The following SKIDA1 variants were observed in gnomAD, a reference collection of about 807,000 sequenced individuals.
SKIDA1 encodes SKI/DACH domain-containing protein 1.
Under a neutral mutation model 51.4 loss-of-function variants are expected in SKIDA1, and 18 were observed. The ratio of observed to expected loss-of-function variants is 0.35; its 90% CI spans 0.24 to 0.52. The LOEUF (loss-of-function observed/expected upper bound fraction) is 0.52. Among genes scored for constraint, SKIDA1 ranks in the 20% least tolerant of loss-of-function variants. The probability of loss-of-function intolerance (pLI) is 0.95; values close to 1 mark genes in which losing one functional copy is unlikely to be tolerated. For missense variants in SKIDA1, 1,104 were observed against 1,180.6 expected (o/e 0.94, Z 0.95); for synonymous variants, 579 against 500.5 (o/e 1.16, Z -2.09).
intron 2 of SKIDA1, among the ~76,000 whole-genome samples, chr10:21,523,441 C>T (rs2032492464): frequency 6.6e-6 from 1 of 152,122 alleles, no homozygotes; most frequent in Non-Finnish European, 1.5e-5. Flanking sequence ...ACTGCAACCG[C>T]CTTTCCCCCC....
Position 21,518,056 on chromosome 10 carries a change from G to T in SKIDA1, c.-234C>A. On this transcript the variant is annotated 5_prime_UTR_variant, in exon 4 of 4. Coordinates refer to ENST00000449193, the MANE Select transcript of SKIDA1 (RefSeq NM_207371.4). The stretch of plus-strand genomic sequence containing the variant: ...ACTTGATTCTTGCTTTTTTGTTGTT[G>T]TTGTTTTCGTTTTTTTAAAAAAGAG... The T allele has an allele frequency of 2.1e-6, 1 of 487,594 alleles. No homozygotes were observed. Among genetic ancestry groups the T allele is most frequent in the South Asian group, 4.2e-5 (1 of 24,066 alleles). The allele number at this position is 487,594 out of a possible 1,614,324, so 30.2% of individuals were successfully genotyped here. A position where few individuals can be genotyped will look rare whatever the true frequency, so the allele number is the denominator to read the frequency against.
intron 1 of SKIDA1, 140 bp downstream of exon 1, chr10:21,525,407 G>GCCTT (rs2032682023): frequency 6.6e-6 from 1 of 152,188 alleles, no homozygotes; most frequent in African/African-American, 2.4e-5. Context: ...GTGACCAAGT[G>GCCTT]CCTTCGGCAT....
At position 21,515,060 on chromosome 10, in the gene SKIDA1, G is replaced by T. The variant is rs935196862; in HGVS notation, c.*36C>A. On this transcript the variant is annotated 3_prime_UTR_variant, in exon 4 of 4. Transcript: ENST00000449193. ...CTGTGCAGTTTACAACAAAAGGAAG[G>T]TAATATGGTTCAAGAAAATATCTTC... 3 of 1,528,428 alleles carry T rather than the reference G, an allele frequency of 2.0e-6. No homozygotes were observed. Among genetic ancestry groups the T allele is most frequent in the Non-Finnish European group, 2.6e-6 (3 of 1,137,288 alleles). The allele number at this position is 1,528,428 out of a possible 1,614,324, so 94.7% of individuals were successfully genotyped here.
Position 21,517,241 on chromosome 10 carries a change from G to A in SKIDA1, c.582C>T (p.Asn194=). ...TTCCCTGGAGCGGGGCAGTTTCATA[G>A]TTTAGAGGGGGTTTGCACGGCGAGC... The part of the protein sequence containing the change: ...IVRSPCKPPL[N]YETAPLQGNY... Residue 194 remains asparagine (N), a synonymous_variant, in exon 4 of 4, where the codon AAC becomes AAT. Transcript: ENST00000449193. This position sits in a 1 kb window ranked among gnomAD's most constrained non-coding sequence, Gnocchi z 6.9. 1 of 1,473,272 alleles carries A rather than the reference G, an allele frequency of 6.8e-7. No individual in the cohort carries two copies. Among genetic ancestry groups the A allele is most frequent in the Non-Finnish European group, 9.0e-7 (1 of 1,109,158 alleles). The allele number at this position is 1,473,272 out of a possible 1,614,324, so 91.3% of individuals were successfully genotyped here.
At chr10:21,521,626 T>C (rs1351118669) in intron 2 of SKIDA1, 146 bp from the exon 3 acceptor site, 5 of 152,246 alleles carry the variant, frequency 3.3e-5, no homozygotes, top group Non-Finnish European at 7.3e-5. Flanking sequence ...TATATCCTTC[T>C]CTGTGGGTCC....
In SKIDA1 at chr10:21,517,515, G is replaced by T. The variant is rs868616992; in HGVS notation, c.308C>A (p.Thr103Asn). 6.4e-7 allele frequency: 1 copy of T among 1,570,728 alleles called. No homozygotes were observed. Among genetic ancestry groups the T allele is most frequent in the East Asian group, 2.3e-5 (1 of 42,656 alleles). ...GGCCCGGCCGACCCGCCTGCGCTTGGTCTTGAGGACGCGCTCGGTTTTGCA... is the reference window on the plus strand; with the variant it reads ...GGCCCGGCCGACCCGCCTGCGCTTGTTCTTGAGGACGCGCTCGGTTTTGCA... ...TSCKTERVLK[T>N]KRRRVGRALA... The change falls in exon 4 of 4, where the codon ACC becomes AAC. Residue 103 changes from threonine to asparagine, a missense_variant. Coordinates refer to ENST00000449193, the MANE Select transcript of SKIDA1 (RefSeq NM_207371.4). This position sits in a 1 kb window ranked among gnomAD's most constrained non-coding sequence, Gnocchi z 6.9.
rs755480366 is a variant in SKIDA1, at chr10:21,516,818, A to G, written c.1005T>C (p.Pro335=). The G allele has an allele frequency of 5.8e-5, 90 of 1,540,622 alleles. No individual in the cohort carries two copies. In the African/African-American group the frequency reaches 1.2e-3, roughly 20 times the overall value. Residue 335 remains proline, a synonymous_variant, in exon 4 of 4, where the codon CCT becomes CCC. Coordinates refer to ENST00000449193, the MANE Select transcript of SKIDA1 (RefSeq NM_207371.4). This position sits in a 1 kb window ranked among gnomAD's most constrained non-coding sequence, Gnocchi z 5.7. ...GGTGGTGGTGGTGGTGGTGGTGCGG[A>G]GGCGGGCAGAAGCCGTTGACCAGAT... ...RFHLVNGFCP[P]PHHHHHHHHH... is the part of the protein sequence containing the mutation.
intron 3 of SKIDA1, among the ~76,000 whole-genome samples, chr10:21,520,689 A>G (rs2032370039): frequency 6.6e-6 from 1 of 150,866 alleles, no homozygotes; most frequent in Non-Finnish European, 1.5e-5. Flanking sequence ...ACATAGCAAC[A>G]TGATTTAGTA....
chr10:21,516,769 G>A lies in SKIDA1; in HGVS notation c.1054C>T (p.Arg352Trp). 7.9e-6 allele frequency: 12 copies of A among 1,519,716 alleles called. No homozygotes were observed. The highest frequency in any genetic ancestry group is 1.1e-5 in the Non-Finnish European group (12 of 1,134,262). 94.1% of individuals were successfully genotyped at this position (1,519,716 alleles called of 1,614,324 possible). A position where few individuals can be genotyped will look rare whatever the true frequency, so the allele number is the denominator to read the frequency against. Residue 352 changes from arginine (R) to tryptophan (W), a missense_variant, in exon 4 of 4, where the codon CGG becomes TGG. Physicochemically the swap from Arg to Trp is moderately radical, Grantham distance 101. Coordinates refer to ENST00000449193, the MANE Select transcript of SKIDA1 (RefSeq NM_207371.4). This position sits in a 1 kb window ranked among gnomAD's most constrained non-coding sequence, Gnocchi z 5.7. ...HHHHHHHHHH[R>W]AQPPQQSHHP... ...TGACTCTGCTGCGGCGGCTGGGCCC[G>A]GTGGTGGTGGTGGTGGTGGTGATGG...
In SKIDA1 at chr10:21,516,893, C is replaced by CGGGTGTTTGCTGCACAGCAG; in HGVS notation, c.929_930insCTGCTGTGCAGCAAACACCC (p.Ala311CysfsTer242). 4 of 1,117,776 alleles carry CGGGTGTTTGCTGCACAGCAG rather than the reference C, an allele frequency of 3.6e-6. No homozygotes were observed. The highest frequency in any genetic ancestry group is 3.3e-6 in the Non-Finnish European group (3 of 914,758). 69.2% of individuals were successfully genotyped at this position (1,117,776 alleles called of 1,614,324 possible). A position where few individuals can be genotyped will look rare whatever the true frequency, so the allele number is the denominator to read the frequency against. On this transcript the variant is annotated frameshift_variant, in exon 4 of 4. Transcript: ENST00000449193. LOFTEE classifies it high-confidence loss of function. This position sits in a 1 kb window ranked among gnomAD's most constrained non-coding sequence, Gnocchi z 5.7. ...CCGCGGCGGCCGCCGCCGCCGCTGC[C>CGGGTGTTTGCTGCACAGCAG]GCCGCCGCCGCCGCCGCCGCCGCCT...
chr10:21,516,723 C>CGGT lies in SKIDA1; in HGVS notation c.1097_1099dup (p.His366dup). The CGGT allele has an allele frequency of 6.5e-7, 1 of 1,550,318 alleles. No individual in the cohort carries two copies. Among genetic ancestry groups the CGGT allele is most frequent in the Non-Finnish European group, 8.7e-7 (1 of 1,146,618 alleles). On this transcript the variant is annotated inframe_insertion, in exon 4 of 4. Transcript: ENST00000449193. The surrounding 1 kb of genome is among the most constrained non-coding windows in gnomAD (Gnocchi z 5.7). The stretch of plus-strand genomic sequence containing the variant: ...AAAGCTGCCCAGATGGGGCTGCGGC[C>CGGT]GGTGGTGGTGAGGGGGGTGGTGACT...
rs879195975 is a variant in SKIDA1, at chr10:21,514,919, GAA to G, written c.*175_*176del. ...CCCACCCCGCCCCCACCCTACTCCA[GAA>G]AAAAAAAAAAAAACCCGCAACGGAA... On this transcript the variant is annotated 3_prime_UTR_variant, in exon 4 of 4. Coordinates refer to ENST00000449193, the MANE Select transcript of SKIDA1 (RefSeq NM_207371.4). 1.7e-3 allele frequency: 154 copies of G among 89,070 alleles called. No homozygotes were observed. Among genetic ancestry groups the G allele is most frequent in the Middle Eastern group, 5.1e-3 (1 of 198 alleles). 5.5% of individuals were successfully genotyped at this position (89,070 alleles called of 1,614,324 possible).
rs371514617 is a variant in SKIDA1 at position 21,517,763 on chromosome 10, G to A, written c.60C>T (p.Ile20=). 1.2e-6 allele frequency: 2 copies of A among 1,613,672 alleles called. No homozygotes were observed. Among genetic ancestry groups the A allele is most frequent in the Non-Finnish European group, 8.5e-7 (1 of 1,179,750 alleles). The change falls in exon 4 of 4, where the codon ATC becomes ATT. Residue 20 remains isoleucine (I), a synonymous_variant. Coordinates refer to ENST00000449193, the MANE Select transcript of SKIDA1 (RefSeq NM_207371.4). The surrounding 1 kb of genome is among the most constrained non-coding windows in gnomAD (Gnocchi z 6.9). Reference sequence around the variant, plus strand: ...GGGCAAACATTTGCTTCCCTTTAATGATGAGGTAGCCGAGCCTCACGCCAT... The same window carrying A: ...GGGCAAACATTTGCTTCCCTTTAATAATGAGGTAGCCGAGCCTCACGCCAT... ...EVDGVRLGYL[I]IKGKQMFALS...
At position 21,516,282 on chromosome 10, in the gene SKIDA1, G is replaced by A; in HGVS notation, c.1541C>T (p.Ala514Val). Residue 514 changes from alanine to valine, a missense_variant, in exon 4 of 4, where the codon GCG becomes GTG. Physicochemically the swap from Ala to Val is moderately conservative, Grantham distance 64. Transcript: ENST00000449193. The surrounding 1 kb of genome is among the most constrained non-coding windows in gnomAD (Gnocchi z 5.7). ...CAGATTCCACTCCGCCGGCGACTCC[G>A]CTTTGACACTACTCTTGAGGTCGGG... ...RLPDLKSSVK[A>V]ESPAEWNLQS... 6.2e-7 allele frequency: 1 copy of A among 1,613,920 alleles called. No individual in the cohort carries two copies. The highest frequency in any genetic ancestry group is 8.5e-7 in the Non-Finnish European group (1 of 1,179,910).
In SKIDA1 at chr10:21,517,501, C is replaced by T. The variant is rs769895750; in HGVS notation, c.322G>A (p.Val108Ile). The T allele has an allele frequency of 1.9e-6, 3 of 1,556,508 alleles. No individual in the cohort carries two copies. The highest frequency in any genetic ancestry group is 2.6e-6 in the Non-Finnish European group (3 of 1,150,424). The change falls in exon 4 of 4, where the codon GTC becomes ATC. Residue 108 changes from valine (V) to isoleucine (I), a missense_variant. By Grantham distance (29) the Val-to-Ile change is conservative (BLOSUM62 3). Around this residue, in one of 3 missense-constraint regions of SKIDA1, gnomAD observed 938 missense variants for 886.4 expected, o/e 1.06. Coordinates refer to ENST00000449193, the MANE Select transcript of SKIDA1 (RefSeq NM_207371.4). This position sits in a 1 kb window ranked among gnomAD's most constrained non-coding sequence, Gnocchi z 6.9. Reference protein sequence around the residue: ...ERVLKTKRRRVGRALATKAPP... With the variant: ...ERVLKTKRRRIGRALATKAPP... ...GCCTTTGTGGCCAGGGCCCGGCCGA[C>T]CCGCCTGCGCTTGGTCTTGAGGACG...
rs778159004 is a variant in SKIDA1, at chr10:21,517,292, G to A, written c.531C>T (p.Pro177=). ...GCACGATCTCCGGGTAGTGCGAGCC[G>A]GGGTATTTGCTAAAAATCTGAGGTA... The part of the protein sequence containing the change: ...AHLPQIFSKY[P]GSHYPEIVRS... The change falls in exon 4 of 4, where the codon CCC becomes CCT. Residue 177 remains proline, a synonymous_variant. Transcript: ENST00000449193. This position sits in a 1 kb window ranked among gnomAD's most constrained non-coding sequence, Gnocchi z 6.9. 4.5e-5 allele frequency: 66 copies of A among 1,466,834 alleles called. No individual in the cohort carries two copies. The highest frequency in any genetic ancestry group is 5.4e-5 in the Non-Finnish European group (60 of 1,106,784). 90.9% of individuals were successfully genotyped at this position (1,466,834 alleles called of 1,614,324 possible).
chr10:21,516,840 A>C lies in SKIDA1; in HGVS notation c.983T>G (p.Leu328Arg), dbSNP rs1308913031. 2 of 1,539,382 alleles carry C rather than the reference A, an allele frequency of 1.3e-6. No homozygotes were observed. The highest frequency in any genetic ancestry group is 2.8e-5 in the African/African-American group (2 of 72,470). The part of the protein sequence containing the change: ...AGATCLERFH[L>R]VNGFCPPPHH... Reference sequence around the variant, plus strand: ...CGGAGGCGGGCAGAAGCCGTTGACCAGATGAAACCTCTCCAGGCAAGTGGC... The same window carrying C: ...CGGAGGCGGGCAGAAGCCGTTGACCCGATGAAACCTCTCCAGGCAAGTGGC... Residue 328 changes from leucine to arginine, a missense_variant, in exon 4 of 4, where the codon CTG (leucine) becomes CGG (arginine). By Grantham distance (102) the Leu-to-Arg change is moderately radical. Coordinates refer to ENST00000449193, the MANE Select transcript of SKIDA1 (RefSeq NM_207371.4). This position sits in a 1 kb window ranked among gnomAD's most constrained non-coding sequence, Gnocchi z 5.7.
chr10:21,516,940 A>G lies in SKIDA1; in HGVS notation c.883T>C (p.Leu295=). 1 of 1,163,688 alleles carries G rather than the reference A, an allele frequency of 8.6e-7. No homozygotes were observed. Among genetic ancestry groups the G allele is most frequent in the Non-Finnish European group, 1.1e-6 (1 of 942,634 alleles). 72.1% of individuals were successfully genotyped at this position (1,163,688 alleles called of 1,614,324 possible). ...GCCTTGGCTTTGTAGGACCTGGGCAACAGCAGCAGGCGCCGCGCGCCGGCG... is the reference window on the plus strand; with the variant it reads ...GCCTTGGCTTTGTAGGACCTGGGCAGCAGCAGCAGGCGCCGCGCGCCGGCG... ...PHAGARRLLL[L]PRSYKAKAAA... The change falls in exon 4 of 4, where the codon TTG becomes CTG. Residue 295 remains leucine (L), a synonymous_variant. Transcript: ENST00000449193. The surrounding 1 kb of genome is among the most constrained non-coding windows in gnomAD (Gnocchi z 5.7).
intron 3 of SKIDA1, among the ~76,000 whole-genome samples, chr10:21,521,019 G>A (rs1041859849): frequency 1.3e-5 from 2 of 150,644 alleles, no homozygotes; most frequent in African/African-American, 4.9e-5. Flanking sequence ...GTGTGTATGT[G>A]TGTGTTAGGC....
Sources: gnomAD v4.1 joint callset for allele counts (sites outside exome capture counted in the v4.1 genomes callset) on GRCh38, gnomAD v4.1.1 for gene constraint, gnomAD v4.1.1 regional missense constraint, Gnocchi (gnomAD v3.1) non-coding constraint, MANE v1.5 for transcripts, NCBI Gene and HGNC (gene_info 2026-07-23, HGNC 2026-07-21) for gene names.